IQGAP2: variants seen among roughly 807,000 people sequenced by gnomAD.
IQGAP2 encodes IQ motif containing GTPase activating protein 2.
A neutral mutation model predicts 201.3 loss-of-function variants in IQGAP2; 173 were observed. That is an observed-to-expected ratio of 0.86 (90% CI 0.76 to 0.98). The LOEUF is 0.98. Ranked by LOEUF, IQGAP2 falls within the 50% of genes least tolerant of loss-of-function variation. The probability of loss-of-function intolerance (pLI) is 0.00; values close to 1 mark genes in which losing one functional copy is unlikely to be tolerated. For synonymous variants in IQGAP2, 675 were observed against 673.9 expected, an observed-to-expected ratio of 1.00 and a Z score of -0.03; for missense variants, 1,687 against 1,864.8, an observed-to-expected ratio of 0.90 and a Z score of 1.76.
chr5:76,641,815 G>T (rs1276700449), intron 17 of IQGAP2, among the ~76,000 whole-genome samples: 1 of 152,116 alleles, frequency 6.6e-6, no homozygotes, highest in Non-Finnish European at 1.5e-5. Context: ...ATGCTGATGG[G>T]TTTTTACTTT....
chr5:76,500,149 AG>A, intron 2 of IQGAP2, among the ~76,000 whole-genome samples: 1 of 152,248 alleles, frequency 6.6e-6, no homozygotes, highest in East Asian at 1.9e-4. Flanking sequence ...ATCTATTGAA[AG>A]GGGGAAAAAA....
intron 15 of IQGAP2, among the ~76,000 whole-genome samples, chr5:76,636,540 T>C (rs940176958): frequency 2.6e-5 from 4 of 152,234 alleles, no homozygotes; most frequent in Admixed American, 2.0e-4. Context: ...TTTTGTACTT[T>C]GAGTAACGTT....
intron 2 of IQGAP2, among the ~76,000 whole-genome samples, chr5:76,551,405 A>G (rs1408086781): frequency 4.0e-5 from 6 of 148,574 alleles, no homozygotes; most frequent in African/African-American, 1.5e-4. Context: ...CTCACATCCC[A>G]GATGATGGGC....
At chr5:76,426,626 T>G (rs1383234279) in intron 1 of IQGAP2, among the ~76,000 whole-genome samples, 3 of 152,258 alleles carry the variant, frequency 2.0e-5, no homozygotes, top group Admixed American at 1.3e-4. Context: ...TCCTTTTGCT[T>G]TGTGTTGTAA....
rs1580768956 is a variant in IQGAP2 at position 76,667,426 on chromosome 5, T to C, written c.2680-1255T>C. 2.0e-5 allele frequency among the ~76,000 whole-genome samples: 3 copies of C among 152,210 alleles called. No homozygotes were observed. The South Asian group carries it at 6.2e-4, about 32-fold the overall frequency. Reference sequence around the variant, plus strand: ...AGTATGGAAAAATTTTCTTCTCTTGTCAGAAAGAAGATGAAGATTAGGAGT... The same window carrying C: ...AGTATGGAAAAATTTTCTTCTCTTGCCAGAAAGAAGATGAAGATTAGGAGT... On this transcript the variant is annotated intron_variant, in intron 22 of 35. Transcript: ENST00000274364.
At chr5:76,697,957 A>G (rs1292869240) in intron 32 of IQGAP2, 30 bp from the exon 33 acceptor site, 1 of 1,570,054 alleles carries the variant, frequency 6.4e-7, no homozygotes, top group Non-Finnish European at 8.7e-7. Context: ...ACTTCTGCTT[A>G]AATATGATAC....
At chr5:76,487,739 G>C (rs796385197) in intron 2 of IQGAP2, among the ~76,000 whole-genome samples, 4 of 152,252 alleles carry the variant, frequency 2.6e-5, no homozygotes, top group African/African-American at 9.6e-5. Context: ...GGGGTGCATT[G>C]GCCAGACACT....
intron 13 of IQGAP2, chr5:76,618,417 A>T: frequency 6.2e-7 from 1 of 1,614,252 alleles, no homozygotes; most frequent in African/African-American, 1.3e-5. Context: ...GATGGCAGGT[A>T]TCAGTTTAGT....
chr5:76,628,997 T>C (rs1479716163), intron 14 of IQGAP2, among the ~76,000 whole-genome samples: 1 of 152,168 alleles, frequency 6.6e-6, no homozygotes. Context: ...ATTTAGAAGG[T>C]TTTTAAAATG....
At chr5:76,422,643 C>A (rs192659681) in intron 1 of IQGAP2, among the ~76,000 whole-genome samples, 1 of 152,100 alleles carries the variant, frequency 6.6e-6, no homozygotes, top group African/African-American at 2.4e-5. Flanking sequence ...ATCTTAACCC[C>A]GAGTCTCTGG....
chr5:76,499,940 TA>T (rs368533681), intron 2 of IQGAP2, among the ~76,000 whole-genome samples: 8 of 147,058 alleles, frequency 5.4e-5, no homozygotes, highest in South Asian at 2.2e-4. Flanking sequence ...ACCTCATCCC[TA>T]AAAAAAAAAG....
chr5:76,414,697 C>A (rs911648334), intron 1 of IQGAP2, among the ~76,000 whole-genome samples: 2 of 152,076 alleles, frequency 1.3e-5, no homozygotes, highest in African/African-American at 4.8e-5. Context: ...ATAATTTTTT[C>A]CTCCATGAGA....
At chr5:76,652,215 G>T (rs1478654869) in intron 17 of IQGAP2, among the ~76,000 whole-genome samples, 1 of 152,206 alleles carries the variant, frequency 6.6e-6, no homozygotes, top group Non-Finnish European at 1.5e-5. Context: ...TTAACTTTAT[G>T]TGGGGATATA....
chr5:76,671,709 A>AAT, intron 23 of IQGAP2, 50 bp from the exon 24 acceptor site: 1 of 1,163,774 alleles, frequency 8.6e-7, no homozygotes, highest in Non-Finnish European at 1.2e-6. Context: ...AAAAAAAAAA[A>AAT]TCTGTATCCA....
intron 26 of IQGAP2, 130 bp downstream of exon 26, chr5:76,674,166 A>G (rs1744600367): frequency 9.4e-6 from 6 of 638,584 alleles, no homozygotes; most frequent in Non-Finnish European, 1.7e-5. Flanking sequence ...TCTGTTTCTA[A>G]TGACTCTCAA....
At chr5:76,486,375 A>G (rs1450601622) in intron 2 of IQGAP2, among the ~76,000 whole-genome samples, 3 of 152,186 alleles carry the variant, frequency 2.0e-5, no homozygotes, top group Non-Finnish European at 4.4e-5. Context: ...GCCCAGTTTT[A>G]TGTCCCCTCA....
Position 76,627,408 on chromosome 5 carries a change from AGGACTCT to A in IQGAP2, c.1522_1528del (p.Asp508ArgfsTer52). 1 of 1,584,666 alleles carries A rather than the reference AGGACTCT, an allele frequency of 6.3e-7. No individual in the cohort carries two copies. The highest frequency in any genetic ancestry group is 8.7e-7 in the Non-Finnish European group (1 of 1,153,166). ...CTTTTTATTCTGTGACATTGTCCCC[AGGACTCT>A]GAGAGTGTTTCCAAAGTGCTTTGGC... On this transcript the variant is annotated splice_acceptor_variant and coding_sequence_variant, in exon 14 of 36. Transcript: ENST00000274364. LOFTEE classifies it high-confidence loss of function.
Position 76,617,868 on chromosome 5 carries a change from T to C in IQGAP2, c.1521+6685T>C. 1 of 1,614,024 alleles carries C rather than the reference T, an allele frequency of 6.2e-7. No homozygotes were observed. Among genetic ancestry groups the C allele is most frequent in the Non-Finnish European group, 8.5e-7 (1 of 1,179,984 alleles). On this transcript the variant is annotated intron_variant, in intron 13 of 35. Coordinates refer to ENST00000274364, the MANE Select transcript of IQGAP2 (RefSeq NM_006633.5). Reference sequence around the variant, plus strand: ...TGTCCGGATGATGGCTGCATAGCAGTAGATGATAAGCACAAATGGAATTAA... The same window carrying C: ...TGTCCGGATGATGGCTGCATAGCAGCAGATGATAAGCACAAATGGAATTAA...
intron 2 of IQGAP2, among the ~76,000 whole-genome samples, chr5:76,508,482 A>T (rs1452574629): frequency 6.6e-6 from 1 of 152,216 alleles, no homozygotes; most frequent in African/African-American, 2.4e-5. Flanking sequence ...AATGGCCTTT[A>T]TGATGGGCTG....
Sources: gnomAD v4.1 joint callset for allele counts (sites outside exome capture counted in the v4.1 genomes callset) on GRCh38, gnomAD v4.1.1 for gene constraint, MANE v1.5 for transcripts, NCBI Gene and HGNC (gene_info 2026-07-23, HGNC 2026-07-21) for gene names.